Variants in SCUBE1 observed in about 807,000 individuals in gnomAD.
SCUBE1 encodes the protein signal peptide, CUB and EGF-like domain-containing protein 1.
SCUBE1 carries 59 observed loss-of-function variants against 124.4 expected under a neutral mutation model. That is an observed-to-expected ratio of 0.47 (90% CI 0.38 to 0.59). The LOEUF (loss-of-function observed/expected upper bound fraction) is 0.59. Among genes scored for constraint, SCUBE1 ranks in the 20% least tolerant of loss-of-function variants. The pLI is 0.00. For synonymous variants in SCUBE1, 545 were observed against 550.9 expected, an observed-to-expected ratio of 0.99 and a Z score of 0.15; for missense variants, 1,150 against 1,371.2, an observed-to-expected ratio of 0.84 and a Z score of 2.55.
intron 3 of SCUBE1, among the ~76,000 whole-genome samples, chr22:43,303,617 G>A (rs960639873): frequency 2.0e-5 from 3 of 152,234 alleles, no homozygotes; most frequent in South Asian, 2.1e-4. Context: ...GCACTGGCAC[G>A]CTCGCAGGCC....
intron 4 of SCUBE1, among the ~76,000 whole-genome samples, chr22:43,267,221 G>A (rs905226404): frequency 6.6e-6 from 1 of 152,092 alleles, no homozygotes; most frequent in Non-Finnish European, 1.5e-5. Flanking sequence ...TCAGTATCAC[G>A]AGTACCCAGC....
chr22:43,292,871 G>C (rs1925418385), intron 3 of SCUBE1, among the ~76,000 whole-genome samples: 1 of 152,354 alleles, frequency 6.6e-6, no homozygotes, highest in East Asian at 1.9e-4. Flanking sequence ...AGAGGAGGCA[G>C]GCAGAGCTCT....
chr22:43,275,298 C>G (rs891805106), intron 4 of SCUBE1, among the ~76,000 whole-genome samples: 1 of 152,258 alleles, frequency 6.6e-6, no homozygotes, highest in Non-Finnish European at 1.5e-5. Context: ...CAGCAAACCA[C>G]GACGCGCTGG....
intron 6 of SCUBE1, among the ~76,000 whole-genome samples, chr22:43,250,262 C>T (rs1034753383): frequency 2.6e-5 from 4 of 152,206 alleles, no homozygotes; most frequent in Admixed American, 6.5e-5. Context: ...CCCTGTCTCC[C>T]GGGAGATGCC....
chr22:43,292,918 G>A (rs145923192), intron 3 of SCUBE1, among the ~76,000 whole-genome samples: 1 of 152,372 alleles, frequency 6.6e-6, no homozygotes, highest in Admixed American at 6.5e-5. Context: ...AGCTAAAATG[G>A]TAGAAGTGGC....
At chr22:43,292,456 C>G (rs1925397539) in intron 3 of SCUBE1, among the ~76,000 whole-genome samples, 2 of 151,902 alleles carry the variant, frequency 1.3e-5, no homozygotes, top group Admixed American at 1.3e-4. Flanking sequence ...CTTCTTAAAC[C>G]TTAATGTTCC....
intron 3 of SCUBE1, among the ~76,000 whole-genome samples, chr22:43,295,190 C>T (rs547155787): frequency 1.4e-4 from 21 of 152,308 alleles, no homozygotes; most frequent in Admixed American, 1.0e-3. Context: ...CCTCCCTGGC[C>T]CCTCCATGCC....
At chr22:43,279,213 T>C (rs1006433231) in intron 4 of SCUBE1, among the ~76,000 whole-genome samples, 4 of 152,090 alleles carry the variant, frequency 2.6e-5, no homozygotes, top group African/African-American at 7.2e-5. Flanking sequence ...ACCCTAAAAC[T>C]CTCAGGTAAC....
Position 43,255,386 on chromosome 22 carries a change from C to A in SCUBE1, c.727+2833G>T, listed in dbSNP as rs9620129. ...GCACACGTCACACCCACACACAGCA[C>A]ACACACGCCCATGTCCACATGCCAG... is the stretch of plus-strand genomic sequence containing the variant. On this transcript the variant is annotated intron_variant, in intron 6 of 21. Transcript: ENST00000360835. The surrounding 1 kb of genome is among the most constrained non-coding windows in gnomAD (Gnocchi z 4.7). The A allele has an allele frequency of 2.8e-4, 286 of 1,010,870 alleles. No individual in the cohort carries two copies. In the African/African-American group the frequency reaches 4.2e-3, roughly 15 times the overall value. 62.6% of individuals were successfully genotyped at this position (1,010,870 alleles called of 1,614,324 possible). A position where few individuals can be genotyped will look rare whatever the true frequency, so the allele number is the denominator to read the frequency against.
At chr22:43,227,600 C>T (rs554023931) in intron 9 of SCUBE1, 104 bp from the exon 10 acceptor site, 69 of 1,441,296 alleles carry the variant, frequency 4.8e-5, no homozygotes, top group South Asian at 3.6e-4. Context: ...CTGACCCCAC[C>T]GAGTCGGACA....
intron 14 of SCUBE1, among the ~76,000 whole-genome samples, chr22:43,219,779 T>G (rs1279215300): frequency 6.6e-6 from 1 of 152,068 alleles, no homozygotes; most frequent in Non-Finnish European, 1.5e-5. Flanking sequence ...CCAGCCAGAC[T>G]AAGACATTTC....
At chr22:43,326,005 T>C (rs944101124) in intron 2 of SCUBE1, among the ~76,000 whole-genome samples, 1 of 152,044 alleles carries the variant, frequency 6.6e-6, no homozygotes, top group Non-Finnish European at 1.5e-5. Flanking sequence ...TACTCTGTGG[T>C]GTCTAGATTC....
At chr22:43,289,225 G>A (rs769772098) in intron 4 of SCUBE1, among the ~76,000 whole-genome samples, 3 of 152,182 alleles carry the variant, frequency 2.0e-5, no homozygotes, top group African/African-American at 2.4e-5. Context: ...GCCCCTCCCC[G>A]CACTTGCTCA....
intron 7 of SCUBE1, among the ~76,000 whole-genome samples, chr22:43,237,258 A>G (rs1922807018): frequency 6.6e-6 from 1 of 152,180 alleles, no homozygotes; most frequent in Non-Finnish European, 1.5e-5. Flanking sequence ...CAATCCCAGT[A>G]GCCCCCTCTT....
intron 3 of SCUBE1, among the ~76,000 whole-genome samples, chr22:43,314,955 C>G (rs1926293596): frequency 6.6e-6 from 1 of 152,108 alleles, no homozygotes; most frequent in Non-Finnish European, 1.5e-5. Flanking sequence ...ACTCCTGTCC[C>G]AAGTCCCGCA....
intron 10 of SCUBE1, among the ~76,000 whole-genome samples, chr22:43,225,306 G>A (rs1169592403): frequency 6.6e-6 from 1 of 152,110 alleles, no homozygotes; most frequent in Non-Finnish European, 1.5e-5. Context: ...CTAGAGCTAT[G>A]CTGAGTGCTG....
chr22:43,255,407 G>A lies in SCUBE1; in HGVS notation c.727+2812C>T. 1 of 1,206,796 alleles carries A rather than the reference G, an allele frequency of 8.3e-7. No individual in the cohort carries two copies. The highest frequency in any genetic ancestry group is 1.2e-6 in the Non-Finnish European group (1 of 835,176). 74.8% of individuals were successfully genotyped at this position (1,206,796 alleles called of 1,614,324 possible). ...AGCACACACACGCCCATGTCCACATGCCAGTGCGCACCCGAGACACACATG... is the reference window on the plus strand; with the variant it reads ...AGCACACACACGCCCATGTCCACATACCAGTGCGCACCCGAGACACACATG... On this transcript the variant is annotated intron_variant, in intron 6 of 21. Transcript: ENST00000360835. The surrounding 1 kb of genome is among the most constrained non-coding windows in gnomAD (Gnocchi z 4.7).
chr22:43,251,634 T>C (rs1247408965), intron 6 of SCUBE1, among the ~76,000 whole-genome samples: 2 of 151,968 alleles, frequency 1.3e-5, no homozygotes, highest in African/African-American at 4.8e-5. Flanking sequence ...ACAAGGAACG[T>C]GGGCAGCTCT....
intron 6 of SCUBE1, among the ~76,000 whole-genome samples, chr22:43,245,732 C>T (rs1923184714): frequency 6.6e-6 from 1 of 152,214 alleles, no homozygotes; most frequent in African/African-American, 2.4e-5. Context: ...CTTAGCCCGG[C>T]CCTGCTGAAA....
Sources: allele counts gnomAD v4.1 joint callset (sites outside exome capture counted in the v4.1 genomes callset), GRCh38; gene constraint gnomAD v4.1.1; non-coding constraint Gnocchi (gnomAD v3.1); transcripts MANE v1.5; gene names NCBI Gene and HGNC (gene_info 2026-07-23, HGNC 2026-07-21).